SLC9D1: variants seen among roughly 807,000 people sequenced by gnomAD.
The protein encoded by SLC9D1 is putative LAG1-interacting protein.
chr13:113,548,577 GGGCACGCAGAGGCCT>G, the SLC9D1 span: 1 of 1,067,280 alleles, frequency 9.4e-7, no homozygotes, highest in Admixed American at 2.7e-5. Flanking sequence ...TCCTCCAGGG[GGGCACGCAGAGGCCT>G]GGCTGCTCTC....
the SLC9D1 span, chr13:113,502,027 A>G: frequency 3.0e-6 from 2 of 668,798 alleles, no homozygotes; most frequent in Non-Finnish European, 4.9e-6. Context: ...TGTCACGGGA[A>G]GTCTCTGAAC....
the SLC9D1 span, among the ~76,000 whole-genome samples, chr13:113,532,179 T>C: frequency 6.6e-6 from 1 of 152,120 alleles, no homozygotes; most frequent in Non-Finnish European, 1.5e-5. Flanking sequence ...GGAGCTGCTG[T>C]TGTGTTTTGG....
At chr13:113,492,753 C>G in the SLC9D1 span, among the ~76,000 whole-genome samples, 1 of 152,106 alleles carries the variant, frequency 6.6e-6, no homozygotes, top group African/African-American at 2.4e-5. Context: ...CAAAAATTAG[C>G]TGGGTGTGGT....
At chr13:113,512,088 C>T in the SLC9D1 span, 162 of 136,342 alleles carry the variant, frequency 1.2e-3, no homozygotes, top group African/African-American at 4.4e-3. Context: ...CTTGGAGTCT[C>T]AGGGGCCGGG....
the SLC9D1 span, among the ~76,000 whole-genome samples, chr13:113,491,521 T>G: frequency 2.9e-5 from 4 of 137,734 alleles, no homozygotes; most frequent in Non-Finnish European, 6.3e-5. Context: ...GCTCCCCTCC[T>G]CTCTCTCCCT....
chr13:113,549,578 G>T, the SLC9D1 span: 1 of 1,612,838 alleles, frequency 6.2e-7, no homozygotes, highest in South Asian at 1.1e-5. Context: ...AAGCGTCTGT[G>T]GGGAGTGAGC....
At chr13:113,549,593 A>C in the SLC9D1 span, 1 of 1,611,184 alleles carries the variant, frequency 6.2e-7, no homozygotes, top group Non-Finnish European at 8.5e-7. Flanking sequence ...GTGAGCGCTT[A>C]GATGGCCAGC....
chr13:113,533,391 C>G, the SLC9D1 span, among the ~76,000 whole-genome samples: 2 of 152,204 alleles, frequency 1.3e-5, no homozygotes, highest in Non-Finnish European at 2.9e-5. Flanking sequence ...GAGGCTGACG[C>G]CCTTGGGAAT....
At chr13:113,500,051 T>C in the SLC9D1 span, 1 of 1,594,580 alleles carries the variant, frequency 6.3e-7, no homozygotes, top group Non-Finnish European at 8.6e-7. Flanking sequence ...GGAGGATGAC[T>C]TGGGTCTTAG....
At chr13:113,533,873 A>G in the SLC9D1 span, among the ~76,000 whole-genome samples, 1 of 152,218 alleles carries the variant, frequency 6.6e-6, no homozygotes, top group African/African-American at 2.4e-5. Flanking sequence ...ACACAACTTA[A>G]TTTCTGAGAT....
At chr13:113,522,835 T>C in the SLC9D1 span, among the ~76,000 whole-genome samples, 4 of 151,928 alleles carry the variant, frequency 2.6e-5, no homozygotes, top group Non-Finnish European at 5.9e-5. Flanking sequence ...TTTCACCTTA[T>C]TGGCCAGGCT....
the SLC9D1 span, among the ~76,000 whole-genome samples, chr13:113,526,930 T>C: frequency 1.5e-4 from 23 of 152,352 alleles, no homozygotes; most frequent in Non-Finnish European, 1.6e-4. Flanking sequence ...TACTTATCAT[T>C]GTGTTACAGT....
the SLC9D1 span, chr13:113,503,354 T>C: frequency 3.0e-6 from 1 of 338,744 alleles, no homozygotes; most frequent in South Asian, 3.7e-5. Context: ...ATTGTGTGTG[T>C]GTGTGTGTGT....
At chr13:113,510,852 T>C in the SLC9D1 span, among the ~76,000 whole-genome samples, 1 of 152,270 alleles carries the variant, frequency 6.6e-6, no homozygotes, top group African/African-American at 2.4e-5. Context: ...ACTGAAGGTG[T>C]TCCCGACTCT....
the SLC9D1 span, among the ~76,000 whole-genome samples, chr13:113,533,736 C>T: frequency 2.0e-5 from 3 of 152,208 alleles, no homozygotes; most frequent in African/African-American, 4.8e-5. Context: ...TGAGGCCTGG[C>T]GAGGAATTTT....
the SLC9D1 span, among the ~76,000 whole-genome samples, chr13:113,511,282 C>T: frequency 2.0e-5 from 3 of 152,206 alleles, no homozygotes; most frequent in Admixed American, 1.3e-4. Context: ...TGACGTTCAC[C>T]CTGCACAGAA....
the SLC9D1 span, among the ~76,000 whole-genome samples, chr13:113,513,412 T>A: frequency 6.6e-6 from 1 of 152,134 alleles, no homozygotes; most frequent in South Asian, 2.1e-4. Context: ...TAGAAGGTGA[T>A]ACATTTAGTC....
the SLC9D1 span, among the ~76,000 whole-genome samples, chr13:113,538,442 C>T: frequency 1.3e-5 from 2 of 152,212 alleles, no homozygotes; most frequent in Non-Finnish European, 2.9e-5. Flanking sequence ...TTTCCAAATT[C>T]CACTCGAGTT....
the SLC9D1 span, chr13:113,548,243 G>T: frequency 6.3e-7 from 1 of 1,582,592 alleles, no homozygotes; most frequent in Non-Finnish European, 8.6e-7. Context: ...TCTGTTTCGT[G>T]TGTGTTTAAC....
Sources: allele counts gnomAD v4.1 joint callset (sites outside exome capture counted in the v4.1 genomes callset), GRCh38; gene constraint gnomAD v4.1.1; transcripts MANE v1.5; gene names NCBI Gene and HGNC (gene_info 2026-07-23, HGNC 2026-07-21).